Variants in PARP4 observed in about 807,000 individuals in gnomAD.
PARP4 encodes protein mono-ADP-ribosyltransferase PARP4.
PARP4 carries 120 observed loss-of-function variants against 187.7 expected under a neutral mutation model. That is an observed-to-expected ratio of 0.64 (90% CI 0.55 to 0.74). The LOEUF is 0.74. Among genes scored for constraint, PARP4 ranks in the 30% least tolerant of loss-of-function variants. The probability of loss-of-function intolerance (pLI) is 0.00; values close to 1 mark genes in which losing one functional copy is unlikely to be tolerated. For synonymous variants in PARP4, 654 were observed against 740.9 expected (o/e 0.88, Z 1.90); for missense variants, 1,836 against 2,070.5 (o/e 0.89, Z 2.20).
rs1461303327 is a variant in PARP4, at chr13:24,447,110, T to G, written c.3191A>C (p.Asp1064Ala). ...TGGGGCCTGCAGGGCCTCGGGCACATCTGGATTGAGTTGCTGCCATTTGAC... is the reference window on the plus strand; with the variant it reads ...TGGGGCCTGCAGGGCCTCGGGCACAGCTGGATTGAGTTGCTGCCATTTGAC... ...VSVKWQQLNP[D>A]VPEALQAPAQ... The change falls in exon 26 of 34, where the codon GAT (aspartate) becomes GCT (alanine). Residue 1064 changes from aspartate to alanine, a missense_variant. Asp to Ala is a moderately radical substitution (Grantham distance 126). Transcript: ENST00000381989. The G allele has an allele frequency of 1.2e-6, 2 of 1,613,338 alleles. No individual in the cohort carries two copies. Among genetic ancestry groups the G allele is most frequent in the African/African-American group, 2.7e-5 (2 of 75,046 alleles).
intron 15 of PARP4, among the ~76,000 whole-genome samples, chr13:24,473,768 T>A (rs568671666): frequency 6.6e-6 from 1 of 152,058 alleles, no homozygotes; most frequent in East Asian, 1.9e-4. Flanking sequence ...TCACCAACAA[T>A]CTCATTGCTA....
chr13:24,459,289 T>A lies in PARP4; in HGVS notation c.2320A>T (p.Ile774Leu). 5.1e-6 allele frequency: 8 copies of A among 1,575,728 alleles called. No homozygotes were observed. The highest frequency in any genetic ancestry group is 6.9e-6 in the Non-Finnish European group (8 of 1,155,068). The change falls in exon 19 of 34, where the codon ATA (isoleucine) becomes TTA (leucine). Residue 774 changes from isoleucine (I) to leucine (L), a missense_variant. Physicochemically the swap from Ile to Leu is conservative, Grantham distance 5. Around this residue, in one of 8 missense-constraint regions of PARP4, gnomAD observed 1,147 missense variants for 1,214.2 expected, o/e 0.94. Transcript: ENST00000381989. ...CTTTGCTTTGTTCCTATTTCTTTTA[T>A]ACAAATCTTCTCTACTGTATCCTGT... ...NLQDTVEKICIKEIGTKQSFS... is the reference protein window; with the variant it reads ...NLQDTVEKICLKEIGTKQSFS...
Position 24,447,165 on chromosome 13 carries a change from G to T in PARP4, c.3136C>A (p.Leu1046Ile). The change falls in exon 26 of 34, where the codon CTA (leucine) becomes ATA (isoleucine). Residue 1046 changes from leucine (L) to isoleucine (I), a missense_variant. Leu to Ile is a conservative substitution (Grantham distance 5). Transcript: ENST00000381989. Reference protein sequence around the residue: ...RKQIEDQMTRLCSPSCHSVSV... With the variant: ...RKQIEDQMTRICSPSCHSVSV... ...ACAGAGTGGCAACTCGGAGAACATA[G>T]CCTGGTCATTTGGTCTTCTATCTAT... 6.2e-7 allele frequency: 1 copy of T among 1,608,858 alleles called. No individual in the cohort carries two copies. The highest frequency in any genetic ancestry group is 1.1e-5 in the South Asian group (1 of 90,116).
chr13:24,473,606 G>A (rs1287218466), intron 15 of PARP4, among the ~76,000 whole-genome samples: 1 of 152,022 alleles, frequency 6.6e-6, no homozygotes, highest in African/African-American at 2.4e-5. Flanking sequence ...GTTGTTTCTT[G>A]CATCTTAAAA....
chr13:24,436,184 C>G (rs1870630171), intron 30 of PARP4, among the ~76,000 whole-genome samples: 8 of 152,206 alleles, frequency 5.3e-5, no homozygotes, highest in Admixed American at 5.2e-4. Flanking sequence ...ACAGGGTGTA[C>G]TTAGGCCTAA....
chr13:24,433,095 C>T (rs73458921), intron 31 of PARP4, among the ~76,000 whole-genome samples: 5,396 of 152,188 alleles, frequency 0.035, 327 homozygotes, highest in African/African-American at 0.12. Context: ...GCAGGGCTTG[C>T]GTAACGTCCT....
At chr13:24,443,767 T>C in intron 27 of PARP4, 37 bp from the exon 28 acceptor site, 1 of 1,385,456 alleles carries the variant, frequency 7.2e-7, no homozygotes. Flanking sequence ...AATATTCACA[T>C]GGCTTCTAAT....
At position 24,466,243 on chromosome 13, in the gene PARP4, G is replaced by A. The variant is rs531030508; in HGVS notation, c.2133+2781C>T. Among the ~76,000 whole-genome samples the A allele has an allele frequency of 4.6e-5, 7 of 152,212 alleles. No homozygotes were observed. The East Asian group carries it at 1.4e-3, about 29-fold the overall frequency. On this transcript the variant is annotated intron_variant, in intron 17 of 33. Transcript: ENST00000381989. ...TTTGTTGCCCAGGCTGTGCAGTGGC[G>A]CCATTATGGCTCATTGCAGCCTCCA...
intron 32 of PARP4, among the ~76,000 whole-genome samples, chr13:24,429,399 C>T (rs1870220727): frequency 1.3e-5 from 2 of 152,312 alleles, no homozygotes; most frequent in South Asian, 4.1e-4. Flanking sequence ...TCATTCCATA[C>T]TGAACATTAA....
chr13:24,432,532 G>A (rs775855746), intron 31 of PARP4, among the ~76,000 whole-genome samples: 11 of 152,106 alleles, frequency 7.2e-5, no homozygotes, highest in Non-Finnish European at 1.3e-4. Flanking sequence ...CACCCCTTTT[G>A]CTTTGTTTTG....
intron 21 of PARP4, among the ~76,000 whole-genome samples, chr13:24,455,725 G>A (rs1240700106): frequency 2.1e-5 from 3 of 145,258 alleles, no homozygotes; most frequent in African/African-American, 7.7e-5. Flanking sequence ...TCAAGTGATC[G>A]CCCTGTCTTA....
At chr13:24,450,683 A>G (rs184209554) in intron 24 of PARP4, among the ~76,000 whole-genome samples, 35 of 152,294 alleles carry the variant, frequency 2.3e-4, no homozygotes, top group Admixed American at 3.3e-4. Flanking sequence ...TCACTTTACT[A>G]GAGTTTGTAA....
chr13:24,505,638 C>G (rs1326867161), intron 1 of PARP4, among the ~76,000 whole-genome samples: 1 of 152,220 alleles, frequency 6.6e-6, no homozygotes, highest in Non-Finnish European at 1.5e-5. Flanking sequence ...AAGCAATTCT[C>G]CTGCCTCAGC....
rs978330166 is a variant in PARP4, at chr13:24,460,948, T to C, written c.2134-812A>G. ...TCCCAAAGTGCTGGGATTACAGGTG[T>C]GAGCTACCACACCCAGCCTATCATG... On this transcript the variant is annotated intron_variant, in intron 17 of 33. Coordinates refer to ENST00000381989, the MANE Select transcript of PARP4 (RefSeq NM_006437.4). Among the ~76,000 whole-genome samples the C allele has an allele frequency of 5.9e-5, 9 of 152,184 alleles. No individual in the cohort carries two copies. In the East Asian group the frequency reaches 1.7e-3, roughly 29 times the overall value.
At chr13:24,465,115 G>A (rs569835864) in intron 17 of PARP4, among the ~76,000 whole-genome samples, 3 of 152,184 alleles carry the variant, frequency 2.0e-5, no homozygotes, top group Middle Eastern at 3.4e-3. Flanking sequence ...TCAGAATGGC[G>A]ATAGTTAAAA....
chr13:24,454,927 C>A (rs987803075), intron 22 of PARP4, 90 bp downstream of exon 22: 3 of 1,054,252 alleles, frequency 2.8e-6, no homozygotes, highest in Non-Finnish European at 4.0e-6. Flanking sequence ...ACCACACAGG[C>A]AGGGTCGGGT....
chr13:24,452,867 G>A (rs1385449822), intron 23 of PARP4, among the ~76,000 whole-genome samples: 1 of 152,128 alleles, frequency 6.6e-6, no homozygotes, highest in Non-Finnish European at 1.5e-5. Flanking sequence ...ATCAGCCCTG[G>A]ATTTGCCAGC....
intron 25 of PARP4, among the ~76,000 whole-genome samples, chr13:24,448,207 C>T (rs1411851083): frequency 6.6e-6 from 1 of 151,932 alleles, no homozygotes; most frequent in East Asian, 1.9e-4. Flanking sequence ...GATACTCTGT[C>T]TCAAAAAACA....
At chr13:24,425,802 G>T (rs1428461632) in intron 33 of PARP4, among the ~76,000 whole-genome samples, 1 of 152,004 alleles carries the variant, frequency 6.6e-6, no homozygotes, top group East Asian at 1.9e-4. Flanking sequence ...TTTGAACAGT[G>T]TTGCCATCTC....
Sources: allele counts gnomAD v4.1 joint callset (sites outside exome capture counted in the v4.1 genomes callset), GRCh38; gene constraint gnomAD v4.1.1; regional missense constraint gnomAD v4.1.1; transcripts MANE v1.5; gene names NCBI Gene and HGNC (gene_info 2026-07-23, HGNC 2026-07-21).